Variants in WDR43 observed in about 807,000 individuals in gnomAD.
The protein encoded by WDR43 is WD repeat domain 43.
WDR43 carries 13 observed loss-of-function variants against 91.4 expected under a neutral mutation model. That is an observed-to-expected ratio of 0.14 (90% confidence interval 0.09 to 0.23). WDR43 has a LOEUF of 0.23. Among genes scored for constraint, WDR43 ranks in the 10% least tolerant of loss-of-function variants. The pLI is 1.00. For synonymous variants in WDR43, 331 were observed against 287.9 expected, an observed-to-expected ratio of 1.15 and a Z score of -1.51; for missense variants, 780 against 809.4, an observed-to-expected ratio of 0.96 and a Z score of 0.44.
Position 28,922,963 on chromosome 2 carries a change from T to A in WDR43, c.894T>A (p.Leu298=). The part of the protein sequence containing the change: ...AVVCRDGQVH[L]FEHILNGYCK... ...TTTGCAGAGATGGTCAAGTCCATCT[T>A]TTTGAACACATATTAAATGGGTAAG... Residue 298 remains leucine (L), a synonymous_variant, in exon 7 of 18, where the codon CTT becomes CTA. Transcript: ENST00000407426. The A allele has an allele frequency of 6.2e-7, 1 of 1,610,624 alleles. No homozygotes were observed. The highest frequency in any genetic ancestry group is 1.1e-5 in the South Asian group (1 of 89,906).
chr2:28,911,231 A>G (rs997741454), intron 3 of WDR43, among the ~76,000 whole-genome samples: 4 of 152,032 alleles, frequency 2.6e-5, no homozygotes, highest in Non-Finnish European at 4.4e-5. Flanking sequence ...TTGTTTTTCT[A>G]ATGACTGATT....
chr2:28,922,727 G>A (rs1405452460), intron 6 of WDR43, among the ~76,000 whole-genome samples, 192 bp from the exon 7 acceptor site: 1 of 150,778 alleles, frequency 6.6e-6, no homozygotes, highest in African/African-American at 2.4e-5. Context: ...CATTTATCTA[G>A]AATCTTGACA....
intron 7 of WDR43, among the ~76,000 whole-genome samples, chr2:28,924,240 A>G (rs1671087666): frequency 6.6e-6 from 1 of 152,128 alleles, no homozygotes; most frequent in Non-Finnish European, 1.5e-5. Context: ...AACCACTAAG[A>G]AAGGAATTCA....
rs1374669645 is a variant in WDR43, at chr2:28,917,799, C to T, written c.747-94C>T. On this transcript the variant is annotated intron_variant, in intron 5 of 17. Coordinates refer to ENST00000407426, the MANE Select transcript of WDR43 (RefSeq NM_015131.3). The stretch of plus-strand genomic sequence containing the variant: ...AAGATGACAAAGCTATTGGGAATCT[C>T]ATGTGCTGATCTCCATGCCTCCTTA... 9 of 1,063,396 alleles carry T rather than the reference C, an allele frequency of 8.5e-6. No individual in the cohort carries two copies. The African/African-American group carries it at 1.1e-4, about 13-fold the overall frequency. The allele number at this position is 1,063,396 out of a possible 1,614,324, so 65.9% of individuals were successfully genotyped here. A position where few individuals can be genotyped will look rare whatever the true frequency, so the allele number is the denominator to read the frequency against.
intron 2 of WDR43, among the ~76,000 whole-genome samples, chr2:28,904,514 T>C (rs972496929): frequency 1.3e-5 from 2 of 152,222 alleles, no homozygotes; most frequent in African/African-American, 4.8e-5. Flanking sequence ...AATAGTATTA[T>C]GTAACCTCAC....
chr2:28,908,209 T>G (rs1484260831), intron 3 of WDR43, among the ~76,000 whole-genome samples: 1 of 152,128 alleles, frequency 6.6e-6, no homozygotes, highest in African/African-American at 2.4e-5. Context: ...GGATAGAAAT[T>G]ATGGTCAGAA....
intron 4 of WDR43, 62 bp from the exon 5 acceptor site, chr2:28,914,007 T>C: frequency 6.3e-7 from 1 of 1,587,364 alleles, no homozygotes; most frequent in Admixed American, 1.7e-5. Flanking sequence ...TGATAATATA[T>C]ACTATTAATT....
At chr2:28,942,255 G>T in intron 15 of WDR43, 57 bp from the exon 16 acceptor site, 8 of 1,555,682 alleles carry the variant, frequency 5.1e-6, no homozygotes, top group Non-Finnish European at 2.6e-6. Context: ...GCTGGTGGTC[G>T]TGATACTTGG....
intron 3 of WDR43, among the ~76,000 whole-genome samples, chr2:28,907,473 G>A (rs1203932179): frequency 7.3e-5 from 11 of 149,806 alleles, no homozygotes; most frequent in African/African-American, 2.5e-4. Context: ...AAAAAATTGG[G>A]TGTGGTGGCA....
At chr2:28,900,117 A>G (rs1201701666) in intron 1 of WDR43, among the ~76,000 whole-genome samples, 2 of 152,212 alleles carry the variant, frequency 1.3e-5, no homozygotes, top group African/African-American at 4.8e-5. Flanking sequence ...TTTGTTTCAC[A>G]CATCGAGAAA....
At chr2:28,922,762 A>G (rs1671057467) in intron 6 of WDR43, among the ~76,000 whole-genome samples, 157 bp from the exon 7 acceptor site, 1 of 148,038 alleles carries the variant, frequency 6.8e-6, no homozygotes, top group Non-Finnish European at 1.5e-5. Context: ...GGTTATTTTG[A>G]CAGAGGTAAT....
intron 15 of WDR43, among the ~76,000 whole-genome samples, 177 bp from the exon 16 acceptor site, chr2:28,942,135 A>G (rs1326338925): frequency 6.6e-6 from 1 of 152,186 alleles, no homozygotes; most frequent in Non-Finnish European, 1.5e-5. Context: ...TTACAGAGTA[A>G]TTCTTTCCCT....
At chr2:28,932,329 A>G (rs1671263907) in intron 11 of WDR43, among the ~76,000 whole-genome samples, 1 of 152,016 alleles carries the variant, frequency 6.6e-6, no homozygotes, top group East Asian at 1.9e-4. Context: ...ACACCCAGCT[A>G]ATTTTGTATT....
chr2:28,920,007 T>G (rs1189687285), intron 6 of WDR43, among the ~76,000 whole-genome samples: 1 of 151,752 alleles, frequency 6.6e-6, no homozygotes, highest in African/African-American at 2.4e-5. Flanking sequence ...GCCTGGCGAA[T>G]TTTTGTACTT....
chr2:28,941,688 T>C, intron 15 of WDR43, 114 bp downstream of exon 15: 1 of 774,028 alleles, frequency 1.3e-6, no homozygotes, highest in Admixed American at 2.3e-5. Flanking sequence ...TGCACTGCGG[T>C]AGCATGATCA....
In WDR43 at chr2:28,919,279, A is replaced by G. The variant is rs190333430; in HGVS notation, c.849+1284A>G. 2.4e-3 allele frequency among the ~76,000 whole-genome samples: 360 copies of G among 151,762 alleles called. 2 individuals carry two copies. Among genetic ancestry groups the G allele is most frequent in the Middle Eastern group, 0.01 (3 of 290 alleles). On this transcript the variant is annotated intron_variant, in intron 6 of 17. Coordinates refer to ENST00000407426, the MANE Select transcript of WDR43 (RefSeq NM_015131.3). ...TCAGTAAATAAGTAAATAAATACAT[A>G]TAGCTTCTGTTGCTAATAAACTTGG...
At chr2:28,922,144 C>T (rs1572593132) in intron 6 of WDR43, among the ~76,000 whole-genome samples, 2 of 152,178 alleles carry the variant, frequency 1.3e-5, no homozygotes, top group Non-Finnish European at 2.9e-5. Flanking sequence ...AGTTGTTTTT[C>T]ACAACAAAAG....
At chr2:28,909,028 A>C (rs1164924727) in intron 3 of WDR43, among the ~76,000 whole-genome samples, 1 of 152,046 alleles carries the variant, frequency 6.6e-6, no homozygotes, top group Non-Finnish European at 1.5e-5. Flanking sequence ...AGTGGTATAA[A>C]TCTTCTCAGT....
rs193040433 is a variant in WDR43 at position 28,918,006 on chromosome 2, C to G, written c.849+11C>G. 1 of 1,550,362 alleles carries G rather than the reference C, an allele frequency of 6.5e-7. No homozygotes were observed. Among genetic ancestry groups the G allele is most frequent in the Non-Finnish European group, 8.7e-7 (1 of 1,147,200 alleles). On this transcript the variant is annotated intron_variant, in intron 6 of 17. Coordinates refer to ENST00000407426, the MANE Select transcript of WDR43 (RefSeq NM_015131.3). Reference sequence around the variant, plus strand: ...GAAAACAAAGAAGAGGTAAATGGCTCGATTTTTGAGAATTTGTTTTTGGGT... The same window carrying G: ...GAAAACAAAGAAGAGGTAAATGGCTGGATTTTTGAGAATTTGTTTTTGGGT...
Sources: allele counts gnomAD v4.1 joint callset (sites outside exome capture counted in the v4.1 genomes callset), GRCh38; gene constraint gnomAD v4.1.1; transcripts MANE v1.5; gene names NCBI Gene and HGNC (gene_info 2026-07-23, HGNC 2026-07-21).